SLIT3: variants seen among roughly 807,000 people sequenced by gnomAD.
SLIT3 encodes the protein slit homolog 3 protein.
A neutral mutation model predicts 184.0 loss-of-function variants in SLIT3; 68 were observed. The observed-to-expected ratio is 0.37, with a 90% CI of 0.30 to 0.45. The LOEUF (loss-of-function observed/expected upper bound fraction) is 0.45, where lower values mean the gene tolerates loss of function less well. Among genes scored for constraint, SLIT3 ranks in the 20% least tolerant of loss-of-function variants. The probability of loss-of-function intolerance (pLI) is 1.00; values close to 1 mark genes in which losing one functional copy is unlikely to be tolerated. For synonymous variants in SLIT3, 831 were observed against 828.6 expected (o/e 1.00, Z -0.05); for missense variants, 1,707 against 2,026.0 (o/e 0.84, Z 3.02).
rs140906177 is a variant in SLIT3, at chr5:169,252,400, G to A, written c.198-941C>T. ...GCCATAGAAGAGCTGAAGTGGTGGC[G>A]GTGATATTGAAGTGAGGGTGGAGGG... On this transcript the variant is annotated intron_variant, in intron 1 of 35. Coordinates refer to ENST00000519560, the MANE Select transcript of SLIT3 (RefSeq NM_003062.4). Among the ~76,000 whole-genome samples, 87 of 152,290 alleles carry A rather than the reference G, an allele frequency of 5.7e-4. No individual in the cohort carries two copies. The East Asian group carries it at 0.014, about 25-fold the overall frequency.
intron 14 of SLIT3, among the ~76,000 whole-genome samples, chr5:168,769,564 TAG>T (rs1755470409): frequency 6.6e-6 from 1 of 152,148 alleles, no homozygotes; most frequent in South Asian, 2.1e-4. Context: ...TCACACGCAC[TAG>T]AGTCAGCCAC....
intron 4 of SLIT3, among the ~76,000 whole-genome samples, chr5:169,046,194 GACTGTA>G (rs1173049126): frequency 3.3e-5 from 5 of 152,142 alleles, no homozygotes; most frequent in Non-Finnish European, 7.4e-5. Flanking sequence ...TGCCTAGAGG[GACTGTA>G]ACTAGCCAGG....
Position 169,034,912 on chromosome 5 carries a change from A to AGTGTGTGTGTGT in SLIT3, c.414-151588_414-151577dup, listed in dbSNP as rs112102059. On this transcript the variant is annotated intron_variant, in intron 4 of 35. Coordinates refer to ENST00000519560, the MANE Select transcript of SLIT3 (RefSeq NM_003062.4). Reference sequence around the variant, plus strand: ...CAGGTACAAGCCACCACGCCCAGCTAGTGTGTGTGTGTGTGTGTGTGTGTG... The same window carrying AGTGTGTGTGTGT: ...CAGGTACAAGCCACCACGCCCAGCTAGTGTGTGTGTGTGTGTGTGTGTGTGTGTGTGTGTGTG... Among the ~76,000 whole-genome samples the AGTGTGTGTGTGT allele has an allele frequency of 1.7e-3, 225 of 132,416 alleles. 1 individual carries two copies. Among genetic ancestry groups the AGTGTGTGTGTGT allele is most frequent in the African/African-American group, 5.0e-3 (178 of 35,262 alleles). The allele number at this position is 132,416 out of a possible 152,430, so 86.9% of individuals were successfully genotyped here.
chr5:169,201,923 C>G (rs970907399), intron 3 of SLIT3, among the ~76,000 whole-genome samples: 2 of 152,232 alleles, frequency 1.3e-5, no homozygotes, highest in African/African-American at 4.8e-5. Context: ...ATGCCTTAAG[C>G]ATCAAAACAG....
chr5:168,671,463 G>A lies in SLIT3; in HGVS notation c.3862C>T (p.Leu1288Phe). The change falls in exon 34 of 36, where the codon CTC becomes TTC. Residue 1288 changes from leucine to phenylalanine, a missense_variant. Physicochemically the swap from Leu to Phe is conservative, Grantham distance 22 (BLOSUM62 0). Coordinates refer to ENST00000519560, the MANE Select transcript of SLIT3 (RefSeq NM_003062.4). ...YLGGIPTSTGLSALRQGTDRP... is the reference protein window; with the variant it reads ...YLGGIPTSTGFSALRQGTDRP... ...TCCGTGCCCTGGCGCAAGGCAGAGA[G>A]GCCGGTGGAGGTGGGGATGCCTGTG... 6.2e-7 allele frequency: 1 copy of A among 1,611,464 alleles called. No homozygotes were observed. The highest frequency in any genetic ancestry group is 8.5e-7 in the Non-Finnish European group (1 of 1,179,036).
chr5:168,746,471 G>GTGGCA (rs1763823979), intron 20 of SLIT3, among the ~76,000 whole-genome samples: 1 of 60,198 alleles, frequency 1.7e-5, no homozygotes, highest in Non-Finnish European at 3.3e-5. Flanking sequence ...GGTGTGCGGT[G>GTGGCA]GTGTGGGTGT....
intron 4 of SLIT3, among the ~76,000 whole-genome samples, chr5:168,943,167 A>C (rs1049696273): frequency 6.6e-6 from 1 of 152,224 alleles, no homozygotes; most frequent in African/African-American, 2.4e-5. Flanking sequence ...TATTCTAGGA[A>C]GATGAAATGA....
At chr5:168,853,969 C>T (rs914986175) in intron 5 of SLIT3, among the ~76,000 whole-genome samples, 11 of 152,238 alleles carry the variant, frequency 7.2e-5, no homozygotes, top group Non-Finnish European at 1.6e-4. Context: ...TCCAAGCTCT[C>T]AGGGCCCTTC....
At chr5:169,058,440 G>A (rs2113085898) in intron 4 of SLIT3, among the ~76,000 whole-genome samples, 1 of 152,220 alleles carries the variant, frequency 6.6e-6, no homozygotes, top group East Asian at 1.9e-4. Flanking sequence ...AGGTCAAGGA[G>A]GCAAGAGCGG....
intron 17 of SLIT3, 113 bp from the exon 18 acceptor site, chr5:168,753,211 C>T (rs1001869100): frequency 1.8e-6 from 2 of 1,109,342 alleles, no homozygotes; most frequent in Non-Finnish European, 2.6e-6. Context: ...CAATTCTAAG[C>T]TCAGTCCAGC....
At chr5:169,283,987 C>T (rs1010239503) in intron 1 of SLIT3, among the ~76,000 whole-genome samples, 1 of 152,086 alleles carries the variant, frequency 6.6e-6, no homozygotes, top group Non-Finnish European at 1.5e-5. Context: ...AGGAACTACC[C>T]GGGAAAGTGA....
intron 20 of SLIT3, among the ~76,000 whole-genome samples, chr5:168,747,439 T>C (rs1754520483): frequency 6.6e-6 from 1 of 152,102 alleles, no homozygotes; most frequent in Non-Finnish European, 1.5e-5. Context: ...CTGAGAAACC[T>C]GGTCAATATG....
At chr5:169,177,295 G>A (rs927646847) in intron 4 of SLIT3, among the ~76,000 whole-genome samples, 2 of 152,114 alleles carry the variant, frequency 1.3e-5, no homozygotes, top group African/African-American at 4.8e-5. Flanking sequence ...GCTGATCTGG[G>A]GCCTGAAAAG....
At chr5:168,757,014 C>T (rs1183238863) in intron 16 of SLIT3, among the ~76,000 whole-genome samples, 1 of 152,192 alleles carries the variant, frequency 6.6e-6, no homozygotes, top group East Asian at 1.9e-4. Context: ...CTGGCTGCTG[C>T]CGTCTCTACA....
At chr5:169,087,758 G>A (rs1759369531) in intron 4 of SLIT3, among the ~76,000 whole-genome samples, 1 of 152,132 alleles carries the variant, frequency 6.6e-6, no homozygotes, top group Admixed American at 6.5e-5. Context: ...AAAATTAAAA[G>A]GAAATAGGCC....
At chr5:168,826,337 C>T (rs1317471481) in intron 6 of SLIT3, among the ~76,000 whole-genome samples, 2 of 152,194 alleles carry the variant, frequency 1.3e-5, no homozygotes, top group African/African-American at 4.8e-5. Flanking sequence ...CTCTCAGACG[C>T]TGATTGCTAC....
At chr5:169,234,746 T>G (rs918332816) in intron 3 of SLIT3, among the ~76,000 whole-genome samples, 3 of 152,178 alleles carry the variant, frequency 2.0e-5, no homozygotes, top group Non-Finnish European at 4.4e-5. Context: ...AAAGTGTCCA[T>G]GGGCACCATG....
In SLIT3 at chr5:169,255,840, G is replaced by A. The variant is rs574752960; in HGVS notation, c.198-4381C>T. Among the ~76,000 whole-genome samples the A allele has an allele frequency of 1.4e-3, 215 of 152,204 alleles. 1 individual carries two copies. Among genetic ancestry groups the A allele is most frequent in the African/African-American group, 5.0e-3 (206 of 41,536 alleles). The stretch of plus-strand genomic sequence containing the variant: ...AGAGCTTGCAGTGAGCCGAGATCGC[G>A]CCACTGCACTCCAGCCTGGGCGACA... On this transcript the variant is annotated intron_variant, in intron 1 of 35. Coordinates refer to ENST00000519560, the MANE Select transcript of SLIT3 (RefSeq NM_003062.4).
At chr5:168,933,524 G>C (rs562921072) in intron 4 of SLIT3, among the ~76,000 whole-genome samples, 2 of 151,194 alleles carry the variant, frequency 1.3e-5, no homozygotes, top group Non-Finnish European at 2.9e-5. Context: ...CTGGGTGACA[G>C]AACAAGACTC....
Sources: allele counts gnomAD v4.1 joint callset (sites outside exome capture counted in the v4.1 genomes callset), GRCh38; gene constraint gnomAD v4.1.1; transcripts MANE v1.5; gene names NCBI Gene and HGNC (gene_info 2026-07-23, HGNC 2026-07-21).